Variants in CDH4 observed in about 807,000 individuals in gnomAD.
The protein encoded by CDH4 is cadherin 4.
In CDH4, 33 loss-of-function variants were observed where a neutral mutation model predicts 86.0. The observed-to-expected ratio is 0.38, with a 90% CI of 0.29 to 0.51. The LOEUF is 0.51. Among genes scored for constraint, CDH4 ranks in the 20% least tolerant of loss-of-function variants. CDH4 has a pLI of 0.86. For synonymous variants in CDH4, 555 were observed against 549.4 expected (o/e 1.01, Z -0.14); for missense variants, 1,114 against 1,307.4 (o/e 0.85, Z 2.28).
chr20:61,528,541 G>A (rs2085929535), intron 2 of CDH4, among the ~76,000 whole-genome samples: 1 of 151,782 alleles, frequency 6.6e-6, no homozygotes, highest in East Asian at 1.9e-4. Context: ...AAGTCAAGAC[G>A]GGAGGATCAC....
intron 12 of CDH4, among the ~76,000 whole-genome samples, chr20:61,929,309 G>A (rs891693956): frequency 2.0e-5 from 3 of 152,096 alleles, no homozygotes; most frequent in African/African-American, 7.2e-5. Flanking sequence ...GCTAATTTTT[G>A]TATTTTTTAC....
intron 4 of CDH4, among the ~76,000 whole-genome samples, chr20:61,828,757 C>T (rs1981444077): frequency 6.6e-6 from 1 of 152,218 alleles, no homozygotes; most frequent in South Asian, 2.1e-4. Context: ...TCTGCTTCCT[C>T]ACTTATAAGC....
chr20:61,414,844 TGA>T (rs1179594669), intron 2 of CDH4, among the ~76,000 whole-genome samples: 1 of 152,158 alleles, frequency 6.6e-6, no homozygotes, highest in Non-Finnish European at 1.5e-5. Context: ...CCTCCCGTGG[TGA>T]GAGTGGCAGC....
intron 2 of CDH4, among the ~76,000 whole-genome samples, chr20:61,500,602 TTCCTC>T (rs1476788651): frequency 6.6e-6 from 1 of 152,190 alleles, no homozygotes; most frequent in Non-Finnish European, 1.5e-5. Context: ...TGTGTGCTCT[TTCCTC>T]TCAAGACACA....
intron 2 of CDH4, among the ~76,000 whole-genome samples, chr20:61,695,934 G>A (rs946775457): frequency 3.3e-5 from 5 of 152,136 alleles, no homozygotes; most frequent in Admixed American, 6.5e-5. Flanking sequence ...TCACCCACCC[G>A]CTGCCAGGCC....
chr20:61,923,845 T>C, intron 10 of CDH4, 141 bp downstream of exon 10: 1 of 1,057,616 alleles, frequency 9.5e-7, no homozygotes, highest in Non-Finnish European at 1.3e-6. Context: ...AAGGCGTCCT[T>C]CCAGGAGGGA....
intron 2 of CDH4, among the ~76,000 whole-genome samples, chr20:61,401,784 C>T (rs1010976034): frequency 3.9e-5 from 6 of 152,248 alleles, no homozygotes; most frequent in African/African-American, 9.6e-5. Flanking sequence ...GCCTGGGTTA[C>T]GGACCCACAG....
At chr20:61,896,161 G>A (rs1985099928) in intron 8 of CDH4, among the ~76,000 whole-genome samples, 1 of 152,224 alleles carries the variant, frequency 6.6e-6, no homozygotes, top group South Asian at 2.1e-4. Context: ...AGGCCAGGGT[G>A]CGGCCAGGGT....
chr20:61,325,973 C>T (rs971310651), intron 2 of CDH4, among the ~76,000 whole-genome samples: 3 of 152,180 alleles, frequency 2.0e-5, no homozygotes, highest in Non-Finnish European at 2.9e-5. Flanking sequence ...CTGATGGTGG[C>T]GGTACCGGTT....
intron 2 of CDH4, among the ~76,000 whole-genome samples, chr20:61,447,600 T>G (rs561197313): frequency 6.6e-6 from 1 of 151,348 alleles, no homozygotes; most frequent in South Asian, 2.1e-4. Flanking sequence ...AGATCCATTT[T>G]CTCTCCCCTG....
chr20:61,708,972 G>A lies in CDH4; in HGVS notation c.170-34591G>A, dbSNP rs1458705073. 2.0e-5 allele frequency among the ~76,000 whole-genome samples: 3 copies of A among 152,246 alleles called. No homozygotes were observed. The highest frequency in any genetic ancestry group is 2.9e-5 in the Non-Finnish European group (2 of 68,048). ...GCTGTTCCTTCAGCCAGACGGACGG[G>A]CAGCAGACCTGCTCAGCCCTGCCTT... is the stretch of plus-strand genomic sequence containing the variant. On this transcript the variant is annotated intron_variant, in intron 2 of 15. Transcript: ENST00000614565. This position sits in a 1 kb window ranked among gnomAD's most constrained non-coding sequence, Gnocchi z 4.5.
intron 2 of CDH4, among the ~76,000 whole-genome samples, chr20:61,337,194 G>A (rs1168162482): frequency 1.6e-5 from 2 of 125,440 alleles, no homozygotes; most frequent in Admixed American, 7.5e-5. Flanking sequence ...AACTTAGTGA[G>A]TTATCATCTT....
Position 61,894,896 on chromosome 20 carries a change from T to A in CDH4, c.1051-14T>A. 3 of 1,607,344 alleles carry A rather than the reference T, an allele frequency of 1.9e-6. No homozygotes were observed. Among genetic ancestry groups the A allele is most frequent in the Non-Finnish European group, 2.5e-6 (3 of 1,177,006 alleles). ...TGATTTTCTGTTCTTTCTCAACTGG[T>A]GTCTCCCTTCCAGAAAGTTCAGCAG... On this transcript the variant is annotated splice_polypyrimidine_tract_variant and intron_variant, in intron 7 of 15. Transcript: ENST00000614565.
chr20:61,537,724 G>A (rs2086008200), intron 2 of CDH4, among the ~76,000 whole-genome samples: 1 of 152,176 alleles, frequency 6.6e-6, no homozygotes. Flanking sequence ...AGACTCAAAA[G>A]GCAGATGCCT....
At chr20:61,278,356 C>T (rs2084241419) in intron 2 of CDH4, among the ~76,000 whole-genome samples, 1 of 152,244 alleles carries the variant, frequency 6.6e-6, no homozygotes, top group African/African-American at 2.4e-5. Context: ...CCTTTCACTG[C>T]TTTGATGAGC....
At chr20:61,698,999 T>C (rs1600887582) in intron 2 of CDH4, among the ~76,000 whole-genome samples, 2 of 152,372 alleles carry the variant, frequency 1.3e-5, no homozygotes, top group East Asian at 3.9e-4. Context: ...TCACCCACTT[T>C]ATGCTACACA....
At chr20:61,790,440 C>A (rs553293407) in intron 4 of CDH4, among the ~76,000 whole-genome samples, 1 of 151,268 alleles carries the variant, frequency 6.6e-6, no homozygotes, top group Non-Finnish European at 1.5e-5. Flanking sequence ...CTCCATCCAT[C>A]CATTCATCCA....
chr20:61,755,130 C>G (rs761114737), intron 3 of CDH4: 1 of 152,140 alleles, frequency 6.6e-6, no homozygotes, highest in Non-Finnish European at 1.5e-5. Context: ...GACTTATTCA[C>G]TATCACGAGA....
Position 61,286,427 on chromosome 20 carries a change from A to G in CDH4, c.169+31490A>G, listed in dbSNP as rs553960038. ...CATGTGACCCCATGGAACCTGCCAG[A>G]CCCAGCCACCGCAGCTTCTGCGGAG... On this transcript the variant is annotated intron_variant, in intron 2 of 15. Coordinates refer to ENST00000614565, the MANE Select transcript of CDH4 (RefSeq NM_001794.5). Among the ~76,000 whole-genome samples the G allele has an allele frequency of 1.5e-4, 23 of 152,300 alleles. No homozygotes were observed. In the East Asian group the frequency reaches 4.1e-3, roughly 27 times the overall value.
Sources: allele counts gnomAD v4.1 joint callset (sites outside exome capture counted in the v4.1 genomes callset), GRCh38; gene constraint gnomAD v4.1.1; non-coding constraint Gnocchi (gnomAD v3.1); transcripts MANE v1.5; gene names NCBI Gene and HGNC (gene_info 2026-07-23, HGNC 2026-07-21).